The following CACNA1F variants were observed in gnomAD, a reference collection of about 807,000 sequenced individuals.
CACNA1F encodes voltage-dependent L-type calcium channel subunit alpha-1F.
CACNA1F carries 59 observed loss-of-function variants against 143.8 expected under a neutral mutation model. That is an observed-to-expected ratio of 0.41 (90% CI 0.33 to 0.51). The LOEUF (loss-of-function observed/expected upper bound fraction) is 0.51, where lower values mean the gene tolerates loss of function less well. Among genes scored for constraint, CACNA1F ranks in the 20% least tolerant of loss-of-function variants. The pLI is 0.22. For synonymous variants in CACNA1F, 643 were observed against 649.1 expected (o/e 0.99, Z 0.14); for missense variants, 1,411 against 1,647.5 (o/e 0.86, Z 2.48).
rs1277939762 is a variant in CACNA1F at position 49,215,340 on chromosome X, A to G, written c.3438+2T>C. The G allele has an allele frequency of 6.6e-6, 8 of 1,206,938 alleles. No homozygotes were observed. The Admixed American group carries it at 1.8e-4, about 26-fold the overall frequency. On this transcript the variant is annotated splice_donor_variant, in intron 28 of 47. Transcript: ENST00000323022. LOFTEE classifies it high-confidence loss of function. ...CATAGGGGGTCAGGGGTCAGAGGTCACCTGGTTCTTGTCCAGCTCACAGTT... is the reference window on the plus strand; with the variant it reads ...CATAGGGGGTCAGGGGTCAGAGGTCGCCTGGTTCTTGTCCAGCTCACAGTT...
rs2065635700 is a variant in CACNA1F at position 49,209,656 on chromosome X, G to A, written c.4794C>T (p.Ala1598=). The change falls in exon 41 of 48, where the codon GCC becomes GCT. Residue 1598 remains alanine (A), a synonymous_variant. Coordinates refer to ENST00000323022, the MANE Select transcript of CACNA1F (RefSeq NM_001256789.3). ...RKEKGLLGND[A]APSTSSALQA... is the part of the protein sequence containing the mutation. Reference sequence around the variant, plus strand: ...GAAGGGCGGAAGAGGTGCTAGGGGCGGCGTCGTTGCCTAGTAGCCCTTTTT... The same window carrying A: ...GAAGGGCGGAAGAGGTGCTAGGGGCAGCGTCGTTGCCTAGTAGCCCTTTTT... 9 of 1,209,509 alleles carry A rather than the reference G, an allele frequency of 7.4e-6. No homozygotes were observed. Among genetic ancestry groups the A allele is most frequent in the Non-Finnish European group, 1.0e-5 (9 of 894,683 alleles).
At chrX:49,208,872 C>A in intron 42 of CACNA1F, 188 bp from the exon 43 acceptor site, 1 of 472,692 alleles carries the variant, frequency 2.1e-6, no homozygotes, top group Non-Finnish European at 3.7e-6. Flanking sequence ...TGTCACCAGG[C>A]GGGAGTGCAG....
At chrX:49,213,784 G>C (rs782453857) in intron 31 of CACNA1F, 35 bp downstream of exon 31, 14 of 1,012,856 alleles carry the variant, frequency 1.4e-5, no homozygotes, top group Non-Finnish European at 2.0e-5. Context: ...AGGTGTATAG[G>C]GCGAGAGTGG....
In CACNA1F at chrX:49,224,990, T is replaced by C; in HGVS notation, c.1652-4A>G. On this transcript the variant is annotated splice_polypyrimidine_tract_variant and splice_region_variant and intron_variant, in intron 13 of 47. Transcript: ENST00000323022. ...AGCAACACTTTGTTGGCATACTCTG[T>C]GGGGAGAGAGGCAGGGATGATCGGG... 3.5e-6 allele frequency: 4 copies of C among 1,147,830 alleles called. No individual in the cohort carries two copies. In the South Asian group the frequency reaches 7.4e-5, roughly 21 times the overall value. The allele number at this position is 1,147,830 out of a possible 1,213,427, so 94.6% of individuals were successfully genotyped here. A position where few individuals can be genotyped will look rare whatever the true frequency, so the allele number is the denominator to read the frequency against.
At chrX:49,225,616 G>T (rs1211726697) in intron 13 of CACNA1F, among the ~76,000 whole-genome samples, 1 of 111,495 alleles carries the variant, frequency 9.0e-6, no homozygotes, top group Admixed American at 9.5e-5. Context: ...TAACCCCTCA[G>T]TGCCTTGATG....
At position 49,210,879 on chromosome X, in the gene CACNA1F, G is replaced by T. The variant is rs1268541614; in HGVS notation, c.4388+86C>A. The T allele has an allele frequency of 3.9e-6, 4 of 1,023,461 alleles. No homozygotes were observed. The African/African-American group carries it at 5.7e-5, about 14-fold the overall frequency. The allele number at this position is 1,023,461 out of a possible 1,213,427, so 84.3% of individuals were successfully genotyped here. ...GCATCTATTGACTGGGTAATGAGAT[G>T]CAGCAGTCGGAGGTTTGGGGGCTAG... On this transcript the variant is annotated intron_variant, in intron 37 of 47. Coordinates refer to ENST00000323022, the MANE Select transcript of CACNA1F (RefSeq NM_001256789.3).
intron 13 of CACNA1F, among the ~76,000 whole-genome samples, chrX:49,225,657 G>A (rs1324265464): frequency 3.6e-5 from 4 of 111,234 alleles, no homozygotes; most frequent in South Asian, 3.8e-4. Flanking sequence ...TATTTAATTC[G>A]CATAAGGTTG....
At chrX:49,225,434 A>G (rs2065814211) in intron 13 of CACNA1F, among the ~76,000 whole-genome samples, 2 of 110,655 alleles carry the variant, frequency 1.8e-5, no homozygotes, top group Admixed American at 9.6e-5. Context: ...TACATCATTT[A>G]CTCCTCTTCG....
intron 11 of CACNA1F, 54 bp downstream of exon 11, chrX:49,226,355 T>G: frequency 8.7e-7 from 1 of 1,143,168 alleles, no homozygotes; most frequent in Non-Finnish European, 1.2e-6. Context: ...AGAAAGGACT[T>G]GAGTCAGGGT....
rs782068089 is a variant in CACNA1F, at chrX:49,218,695, CAGA to C, written c.2771_2773del (p.Phe924del). ...ATCCAACATATTAAACCAGCTACGG[CAGA>C]AGGAGCCGCGGTGCAGGAAGGCCCC... On this transcript the variant is annotated inframe_deletion, in exon 23 of 48. Transcript: ENST00000323022. 8.4e-7 allele frequency: 1 copy of C among 1,187,477 alleles called. No individual in the cohort carries two copies. Among genetic ancestry groups the C allele is most frequent in the Non-Finnish European group, 1.1e-6 (1 of 885,016 alleles).
At chrX:49,215,605 G>A (rs1465449203) in intron 27 of CACNA1F, 62 bp from the exon 28 acceptor site, 1 of 758,245 alleles carries the variant, frequency 1.3e-6, no homozygotes, top group Admixed American at 2.8e-5. Context: ...AGCCCCCTCA[G>A]ACCTGCCCCC....
Position 49,226,232 on chromosome X carries a change from A to G in CACNA1F, c.1475T>C (p.Met492Thr). 2.5e-6 allele frequency: 3 copies of G among 1,208,682 alleles called. No individual in the cohort carries two copies. The highest frequency in any genetic ancestry group is 1.7e-5 in the African/African-American group (1 of 57,761). The change falls in exon 12 of 48, where the codon ATG becomes ACG. Residue 492 changes from methionine to threonine, a missense_variant. Met to Thr is a moderately conservative substitution (Grantham distance 81, BLOSUM62 -1). Transcript: ENST00000323022. The stretch of plus-strand genomic sequence containing the variant: ...CCCAACTCACCAGACTCTGGTTTTC[A>G]TGATCTTGTTTCTGAAAAAGAAGGG... ...ASCTRCLNKI[M>T]KTRVCRRLRR...
At position 49,227,092 on chromosome X, in the gene CACNA1F, C is replaced by T. The variant is rs142554974; in HGVS notation, c.1154G>A (p.Arg385His). 2.5e-6 allele frequency: 3 copies of T among 1,193,795 alleles called. No individual in the cohort carries two copies. The highest frequency in any genetic ancestry group is 3.4e-6 in the Non-Finnish European group (3 of 885,840). The change falls in exon 9 of 48, where the codon CGC (arginine) becomes CAC (histidine). Residue 385 changes from arginine (R) to histidine (H), a missense_variant. Physicochemically the swap from Arg to His is conservative, Grantham distance 29 (BLOSUM62 0). Around this residue, in one of 3 missense-constraint regions of CACNA1F, gnomAD observed 950 missense variants for 1,128.1 expected, o/e 0.84. Transcript: ENST00000323022. ...FSKEREKAKA[R>H]GDFQKQREKQ... ...CTCCCGCTGCTTCTGGAAGTCCCCG[C>T]GAGCTTTCGCTTTCTCTCTCTCCTT... is the stretch of plus-strand genomic sequence containing the variant.
intron 37 of CACNA1F, 42 bp downstream of exon 37, chrX:49,210,923 A>G: frequency 8.5e-7 from 1 of 1,179,760 alleles, no homozygotes; most frequent in Non-Finnish European, 1.1e-6. Flanking sequence ...GTAGGGCAAT[A>G]CATTGTCCCC....
intron 3 of CACNA1F, 35 bp from the exon 4 acceptor site, chrX:49,231,024 GA>G (rs1284789369): frequency 9.4e-7 from 1 of 1,064,866 alleles, no homozygotes; most frequent in Non-Finnish European, 1.3e-6. Flanking sequence ...TCGGGAAGTC[GA>G]GGAGTTATTT....
At chrX:49,208,411 G>GCCCCCCCCCCCCCCCCCCCCCC in intron 43 of CACNA1F, 104 bp downstream of exon 43, 1 of 414,479 alleles carries the variant, frequency 2.4e-6, no homozygotes, top group Non-Finnish European at 4.3e-6. Context: ...AGGCCTCTAG[G>GCCCCCCCCCCCCCCCCCCCCCC]CCCTCCCTCC....
intron 37 of CACNA1F, 94 bp from the exon 38 acceptor site, chrX:49,210,780 T>C: frequency 3.5e-6 from 3 of 866,741 alleles, no homozygotes; most frequent in Non-Finnish European, 5.0e-6. Flanking sequence ...CTCCTACCAA[T>C]ACCCCAGAGC....
Position 49,225,978 on chromosome X carries a change from C to T in CACNA1F, c.1582G>A (p.Val528Ile), listed in dbSNP as rs201932840. Residue 528 changes from valine to isoleucine, a missense_variant, in exon 13 of 48, where the codon GTC becomes ATC. Val to Ile is a conservative substitution (Grantham distance 29). This residue lies in a region of CACNA1F where 950 missense variants were observed against 1,128.1 expected (regional missense o/e 0.84). Transcript: ENST00000323022. ...NACYWAVLLL[V>I]FLNTLTIASE... ...GCGATGGTCAACGTGTTGAGGAAGA[C>T]GAGCAACAGCACAGCCCAGTAGCAG... 1.7e-6 allele frequency: 2 copies of T among 1,171,456 alleles called. No individual in the cohort carries two copies. The highest frequency in any genetic ancestry group is 1.8e-5 in the African/African-American group (1 of 55,888).
At chrX:49,228,579 T>C (rs1218834577) in intron 6 of CACNA1F, 132 bp from the exon 7 acceptor site, 1 of 535,278 alleles carries the variant, frequency 1.9e-6, no homozygotes, top group East Asian at 3.6e-5. Flanking sequence ...TTCTTTCTTT[T>C]TTTGAGACGG....
Sources: gnomAD v4.1 joint callset for allele counts (sites outside exome capture counted in the v4.1 genomes callset) on GRCh38, gnomAD v4.1.1 for gene constraint, gnomAD v4.1.1 regional missense constraint, MANE v1.5 for transcripts, NCBI Gene and HGNC (gene_info 2026-07-23, HGNC 2026-07-21) for gene names.